GADL1: variants seen among roughly 807,000 people sequenced by gnomAD.
GADL1 encodes the protein GAD like acidic amino acid decarboxylase 1.
In GADL1, 71 loss-of-function variants were observed where a neutral mutation model predicts 69.5. The ratio of observed to expected loss-of-function variants is 1.02; its 90% confidence interval spans 0.84 to 1.25. The LOEUF is 1.25. Among genes scored for constraint, GADL1 ranks in the 50% most tolerant of loss-of-function variants. The probability of loss-of-function intolerance (pLI) is 0.00; values close to 1 mark genes in which losing one functional copy is unlikely to be tolerated. For synonymous variants in GADL1, 254 were observed against 214.4 expected (o/e 1.18, Z -1.62); for missense variants, 737 against 631.8 (o/e 1.17, Z -1.79).
intron 14 of GADL1, among the ~76,000 whole-genome samples, chr3:30,756,127 A>G (rs1297491667): frequency 6.6e-6 from 1 of 152,034 alleles, no homozygotes; most frequent in African/African-American, 2.4e-5. Context: ...ATGACTCGCC[A>G]CTCTTCGGGG....
chr3:30,834,843 A>T (rs1697849016), intron 9 of GADL1, among the ~76,000 whole-genome samples: 2 of 152,140 alleles, frequency 1.3e-5, no homozygotes, highest in South Asian at 4.1e-4. Flanking sequence ...TATCCACTGG[A>T]GAAGTAAATT....
intron 1 of GADL1, among the ~76,000 whole-genome samples, chr3:30,893,505 C>T (rs975021727): frequency 6.6e-6 from 1 of 152,020 alleles, no homozygotes; most frequent in African/African-American, 2.4e-5. Context: ...AGCTTTATAC[C>T]CATTGACCTA....
At chr3:30,761,781 T>G (rs143765799) in intron 14 of GADL1, among the ~76,000 whole-genome samples, 2 of 152,286 alleles carry the variant, frequency 1.3e-5, no homozygotes, top group African/African-American at 4.8e-5. Context: ...ACCTTATCAC[T>G]AGAGCATCCC....
intron 1 of GADL1, among the ~76,000 whole-genome samples, chr3:30,866,099 T>G (rs765984156): frequency 2.0e-5 from 3 of 152,058 alleles, no homozygotes; most frequent in Non-Finnish European, 2.9e-5. Flanking sequence ...TAAAACAGTG[T>G]CTGGTACATA....
intron 11 of GADL1, among the ~76,000 whole-genome samples, chr3:30,817,378 C>T (rs771831880): frequency 1.1e-4 from 16 of 152,172 alleles, no homozygotes; most frequent in Admixed American, 1.0e-3. Context: ...TGCCACCAAT[C>T]ATGGGTAAGT....
At chr3:30,810,641 C>T (rs1191404158) in intron 11 of GADL1, among the ~76,000 whole-genome samples, 2 of 152,082 alleles carry the variant, frequency 1.3e-5, no homozygotes, top group Non-Finnish European at 2.9e-5. Context: ...GTGTCCAGCT[C>T]AAGGCAGAAG....
chr3:30,840,987 A>G (rs1697956399), intron 8 of GADL1, among the ~76,000 whole-genome samples: 1 of 152,180 alleles, frequency 6.6e-6, no homozygotes. Context: ...TGTGTTTTTC[A>G]CCATCTATGT....
At chr3:30,856,812 C>G (rs1698236484) in intron 3 of GADL1, among the ~76,000 whole-genome samples, 1 of 152,008 alleles carries the variant, frequency 6.6e-6, no homozygotes, top group African/African-American at 2.4e-5. Context: ...CTAACACCTA[C>G]AGTTTTCCTG....
At chr3:30,829,586 C>A (rs1036060195) in intron 11 of GADL1, among the ~76,000 whole-genome samples, 6 of 151,814 alleles carry the variant, frequency 4.0e-5, no homozygotes, top group Non-Finnish European at 8.8e-5. Context: ...TAATTTTAAT[C>A]ATTGTATCTT....
At chr3:30,887,527 C>G (rs1349880930) in intron 1 of GADL1, among the ~76,000 whole-genome samples, 1 of 152,154 alleles carries the variant, frequency 6.6e-6, no homozygotes, top group African/African-American at 2.4e-5. Context: ...AGAATCCCCA[C>G]AAGCAAGAAG....
chr3:30,763,330 C>T (rs989281360), intron 14 of GADL1, among the ~76,000 whole-genome samples: 4 of 151,902 alleles, frequency 2.6e-5, no homozygotes, highest in African/African-American at 7.3e-5. Flanking sequence ...AACCCCCTGT[C>T]GCTACTAAAA....
At chr3:30,866,794 T>C (rs1559365089) in intron 1 of GADL1, among the ~76,000 whole-genome samples, 1 of 152,074 alleles carries the variant, frequency 6.6e-6, no homozygotes, top group Non-Finnish European at 1.5e-5. Flanking sequence ...GTAGAGGTTT[T>C]ATTTCTTATA....
chr3:30,764,730 C>A (rs577128662), intron 14 of GADL1, among the ~76,000 whole-genome samples: 1 of 152,206 alleles, frequency 6.6e-6, no homozygotes, highest in African/African-American at 2.4e-5. Context: ...TAGTACCAAA[C>A]TAAACTGCCA....
intron 11 of GADL1, among the ~76,000 whole-genome samples, chr3:30,819,720 G>A (rs1697537298): frequency 6.6e-6 from 1 of 151,864 alleles, no homozygotes; most frequent in South Asian, 2.1e-4. Flanking sequence ...CTCATGGAAA[G>A]AAAAGTAATT....
intron 14 of GADL1, among the ~76,000 whole-genome samples, chr3:30,756,433 G>A (rs1308166728): frequency 6.6e-6 from 1 of 152,130 alleles, no homozygotes; most frequent in African/African-American, 2.4e-5. Context: ...TAGAATGACT[G>A]CAAATATGGT....
At chr3:30,777,571 A>T (rs1269307633) in intron 14 of GADL1, among the ~76,000 whole-genome samples, 2 of 152,238 alleles carry the variant, frequency 1.3e-5, no homozygotes, top group African/African-American at 2.4e-5. Context: ...TGGCAGGGCC[A>T]TGCTAGGCGA....
rs1698128877 is a variant in GADL1, at chr3:30,850,236, C to T, written c.536-125G>A. ...TCTAATGAAAAATCACCGTGAAAAG[C>T]ACATGAACACCGACCTCCCTGCTCC... On this transcript the variant is annotated intron_variant, in intron 5 of 14. Coordinates refer to ENST00000282538, the MANE Select transcript of GADL1 (RefSeq NM_207359.3). 1.4e-5 allele frequency: 9 copies of T among 659,218 alleles called. No homozygotes were observed. In the South Asian group the frequency reaches 1.5e-4, roughly 11 times the overall value. The allele number at this position is 659,218 out of a possible 1,614,324, so 40.8% of individuals were successfully genotyped here.
chr3:30,865,372 C>T lies in GADL1; in HGVS notation c.38-3607G>A, dbSNP rs553375785. On this transcript the variant is annotated intron_variant, in intron 1 of 14. Coordinates refer to ENST00000282538, the MANE Select transcript of GADL1 (RefSeq NM_207359.3). ...TGTGAGAGCATGAGTTTGTGTCTGT[C>T]GGTTTCACTGTTATTTCCATAGCAC... Among the ~76,000 whole-genome samples, 11 of 151,824 alleles carry T rather than the reference C, an allele frequency of 7.2e-5. No individual in the cohort carries two copies. In the South Asian group the frequency reaches 1.2e-3, roughly 17 times the overall value.
Position 30,806,546 on chromosome 3 carries a change from G to A in GADL1, c.1051-5458C>T, listed in dbSNP as rs981496640. ...GAAAGCTGTGCTAAGCACTGGAGAT[G>A]TAATGGTAAATAAAAAAGTCACCAT... On this transcript the variant is annotated intron_variant, in intron 11 of 14. Coordinates refer to ENST00000282538, the MANE Select transcript of GADL1 (RefSeq NM_207359.3). Among the ~76,000 whole-genome samples the A allele has an allele frequency of 1.6e-4, 24 of 152,312 alleles. 1 individual carries two copies. The highest frequency in any genetic ancestry group is 4.6e-4 in the African/African-American group (19 of 41,568).
Sources: allele counts gnomAD v4.1 joint callset (sites outside exome capture counted in the v4.1 genomes callset), GRCh38; gene constraint gnomAD v4.1.1; transcripts MANE v1.5; gene names NCBI Gene and HGNC (gene_info 2026-07-23, HGNC 2026-07-21).